Variants in SNTG2 observed in about 807,000 individuals in gnomAD.
The protein encoded by SNTG2 is syntrophin gamma 2.
SNTG2 carries 74 observed loss-of-function variants against 70.9 expected under a neutral mutation model. That is an observed-to-expected ratio of 1.04 (90% CI 0.86 to 1.27). The LOEUF (loss-of-function observed/expected upper bound fraction) is 1.27. Among genes scored for constraint, SNTG2 ranks in the 50% most tolerant of loss-of-function variants. The probability of loss-of-function intolerance (pLI) is 0.00; values close to 1 mark genes in which losing one functional copy is unlikely to be tolerated. For synonymous variants in SNTG2, 278 were observed against 273.8 expected (o/e 1.02, Z -0.15); for missense variants, 717 against 690.7 (o/e 1.04, Z -0.43).
At chr2:1,023,036 G>A (rs1356006379) in intron 1 of SNTG2, among the ~76,000 whole-genome samples, 1 of 152,184 alleles carries the variant, frequency 6.6e-6, no homozygotes, top group Non-Finnish European at 1.5e-5. Context: ...AAGCCTCTGA[G>A]CTGCTACAAG....
chr2:975,094 C>T (rs557695276), intron 1 of SNTG2, among the ~76,000 whole-genome samples: 2 of 151,952 alleles, frequency 1.3e-5, no homozygotes, highest in South Asian at 4.2e-4. Context: ...CACTCACACC[C>T]ATGAACAAAC....
At chr2:1,177,511 A>T (rs766815017) in intron 8 of SNTG2, among the ~76,000 whole-genome samples, 1 of 151,738 alleles carries the variant, frequency 6.6e-6, no homozygotes, top group African/African-American at 2.4e-5. Context: ...AAAAAACTTT[A>T]AAAGGAACCA....
chr2:1,223,089 C>G (rs1216054397), intron 9 of SNTG2, among the ~76,000 whole-genome samples: 2 of 39,372 alleles, frequency 5.1e-5, no homozygotes, highest in African/African-American at 1.7e-4. Flanking sequence ...CTGCCTGCTG[C>G]TGGAGGTGCT....
intron 10 of SNTG2, 146 bp downstream of exon 10, chr2:1,238,163 A>G: frequency 2.6e-6 from 3 of 1,145,456 alleles, no homozygotes; most frequent in Non-Finnish European, 3.6e-6. Flanking sequence ...GTCTAAAAAC[A>G]TTAAAAATGA....
chr2:1,320,566 AAAAG>A (rs962969726), intron 16 of SNTG2, among the ~76,000 whole-genome samples: 3 of 151,634 alleles, frequency 2.0e-5, no homozygotes, highest in Admixed American at 1.3e-4. Flanking sequence ...AGAAAAAAAG[AAAAG>A]AAAGAAAAAA....
intron 11 of SNTG2, among the ~76,000 whole-genome samples, chr2:1,244,677 CAG>C (rs1266658944): frequency 8.6e-6 from 1 of 116,772 alleles, no homozygotes; most frequent in African/African-American, 3.4e-5. Flanking sequence ...GCCTGGGTGA[CAG>C]AGCGAGACTC....
chr2:1,109,051 C>T (rs111259917), intron 4 of SNTG2, among the ~76,000 whole-genome samples: 7,474 of 130,304 alleles, frequency 0.057, 470 homozygotes, highest in Admixed American at 0.078. Flanking sequence ...TGCTGTCACT[C>T]GGGTGCAGGG....
chr2:1,137,821 A>G lies in SNTG2; in HGVS notation c.411+12A>G, dbSNP rs773328867. The G allele has an allele frequency of 1.9e-6, 3 of 1,601,930 alleles. No individual in the cohort carries two copies. Among genetic ancestry groups the G allele is most frequent in the Middle Eastern group, 2.0e-4 (1 of 5,018 alleles). ...CTCATGAAGAAGTGGTAAGTGAATT[A>G]CATTTTATAGTTATTCTGTTTATTA... On this transcript the variant is annotated intron_variant, in intron 6 of 16. Coordinates refer to ENST00000308624, the MANE Select transcript of SNTG2 (RefSeq NM_018968.4).
intron 1 of SNTG2, among the ~76,000 whole-genome samples, chr2:1,003,413 G>A (rs531748629): frequency 7.9e-5 from 12 of 152,306 alleles, no homozygotes; most frequent in African/African-American, 2.6e-4. Context: ...TCAGGCATCA[G>A]CGGTGTCAGC....
At chr2:1,319,381 A>T (rs1422503839) in intron 16 of SNTG2, among the ~76,000 whole-genome samples, 1 of 152,254 alleles carries the variant, frequency 6.6e-6, no homozygotes, top group African/African-American at 2.4e-5. Context: ...AACTGCAAAT[A>T]CAGCAACCTA....
intron 6 of SNTG2, chr2:1,161,719 A>G (rs889064010): frequency 2.0e-5 from 3 of 152,288 alleles, no homozygotes; most frequent in African/African-American, 4.8e-5. Flanking sequence ...AAATCAAGGC[A>G]AGGTAAACAT....
chr2:975,080 C>T (rs780586541), intron 1 of SNTG2, among the ~76,000 whole-genome samples: 7 of 151,890 alleles, frequency 4.6e-5, no homozygotes, highest in Non-Finnish European at 1.0e-4. Flanking sequence ...CATGCGCTTG[C>T]ACCCACTCAC....
chr2:1,120,062 A>G lies in SNTG2; in HGVS notation c.326-17560A>G, dbSNP rs553678203. Among the ~76,000 whole-genome samples, 162 of 152,300 alleles carry G rather than the reference A, an allele frequency of 1.1e-3. 3 individuals carry two copies. Among genetic ancestry groups the G allele is most frequent in the African/African-American group, 3.8e-3 (156 of 41,580 alleles). Reference sequence around the variant, plus strand: ...TACAACAAGAAAATAAGAAAATGGCATTGATCGTTCCTTATCTACCAATAA... The same window carrying G: ...TACAACAAGAAAATAAGAAAATGGCGTTGATCGTTCCTTATCTACCAATAA... On this transcript the variant is annotated intron_variant, in intron 4 of 16. Coordinates refer to ENST00000308624, the MANE Select transcript of SNTG2 (RefSeq NM_018968.4).
chr2:1,012,063 A>G (rs1300984600), intron 1 of SNTG2, among the ~76,000 whole-genome samples: 1 of 152,208 alleles, frequency 6.6e-6, no homozygotes, highest in African/African-American at 2.4e-5. Context: ...TCTTCCTCTA[A>G]ATCAAGCAAT....
chr2:997,931 A>G (rs1661744037), intron 1 of SNTG2, among the ~76,000 whole-genome samples: 1 of 152,226 alleles, frequency 6.6e-6, no homozygotes, highest in Non-Finnish European at 1.5e-5. Context: ...ACAAAGAAGC[A>G]TGATGAGATT....
At chr2:1,327,177 T>A (rs1490239370) in intron 16 of SNTG2, among the ~76,000 whole-genome samples, 1 of 152,126 alleles carries the variant, frequency 6.6e-6, no homozygotes, top group Non-Finnish European at 1.5e-5. Context: ...GATTTTTTTT[T>A]AACTGTCACT....
chr2:1,323,123 A>G (rs542962068), intron 16 of SNTG2, among the ~76,000 whole-genome samples: 1 of 152,348 alleles, frequency 6.6e-6, no homozygotes, highest in East Asian at 1.9e-4. Context: ...AGCTCCAGGC[A>G]TCTGCCTCCT....
intron 14 of SNTG2, among the ~76,000 whole-genome samples, chr2:1,268,710 C>A (rs537457388): frequency 2.6e-5 from 4 of 152,216 alleles, no homozygotes; most frequent in South Asian, 4.1e-4. Flanking sequence ...CAGGGACTTA[C>A]TCAAATGTAT....
At chr2:1,302,465 G>T (rs1034733496) in intron 14 of SNTG2, among the ~76,000 whole-genome samples, 2 of 149,350 alleles carry the variant, frequency 1.3e-5, no homozygotes, top group African/African-American at 5.0e-5. Flanking sequence ...ATACAACTGC[G>T]TATAGAGAAC....
Sources: gnomAD v4.1 joint callset for allele counts (sites outside exome capture counted in the v4.1 genomes callset) on GRCh38, gnomAD v4.1.1 for gene constraint, MANE v1.5 for transcripts, NCBI Gene and HGNC (gene_info 2026-07-23, HGNC 2026-07-21) for gene names.